SNX29: variants seen among roughly 807,000 people sequenced by gnomAD.
The protein encoded by SNX29 is sorting nexin-29.
SNX29 carries 78 observed loss-of-function variants against 102.1 expected under a neutral mutation model. The ratio of observed to expected loss-of-function variants is 0.76; its 90% CI spans 0.64 to 0.92. SNX29 has a LOEUF of 0.92. Ranked by LOEUF, SNX29 falls within the 40% of genes least tolerant of loss-of-function variation. The pLI is 0.00. For synonymous variants in SNX29, 580 were observed against 414.5 expected (o/e 1.40, Z -4.85); for missense variants, 1,280 against 1,061.7 (o/e 1.21, Z -2.86).
At chr16:12,078,752 G>A (rs748802174) in intron 10 of SNX29, 81 bp from the exon 11 acceptor site, 430 of 1,224,972 alleles carry the variant, frequency 3.5e-4, no homozygotes, top group Non-Finnish European at 4.8e-4. Context: ...GGAGTAAACC[G>A]ACCTCTGCTA....
At chr16:12,567,763 G>A (rs981483515) in intron 20 of SNX29, among the ~76,000 whole-genome samples, 2 of 152,138 alleles carry the variant, frequency 1.3e-5, no homozygotes, top group East Asian at 3.9e-4. Context: ...ACTGTCTCCA[G>A]AAAATACAAT....
intron 16 of SNX29, among the ~76,000 whole-genome samples, chr16:12,365,529 A>G (rs751258505): frequency 2.6e-5 from 4 of 151,302 alleles, no homozygotes; most frequent in Non-Finnish European, 4.4e-5. Context: ...ATCTCTACTC[A>G]AAATACAAAA....
Position 12,571,226 on chromosome 16 carries a change from C to T in SNX29, c.*2597C>T, listed in dbSNP as rs1418694477. On this transcript the variant is annotated 3_prime_UTR_variant, in exon 21 of 21. Transcript: ENST00000566228. Reference sequence around the variant, plus strand: ...AAACAACTGGCAGGGTTCCCAGTTCCTGGAGTTATGGAGCAGAAACACCCA... The same window carrying T: ...AAACAACTGGCAGGGTTCCCAGTTCTTGGAGTTATGGAGCAGAAACACCCA... The T allele has an allele frequency of 4.3e-6, 1 of 232,168 alleles. No individual in the cohort carries two copies. Among genetic ancestry groups the T allele is most frequent in the Non-Finnish European group, 8.5e-6 (1 of 117,444 alleles). 14.4% of individuals were successfully genotyped at this position (232,168 alleles called of 1,614,324 possible).
At chr16:12,300,086 C>T (rs895683397) in intron 15 of SNX29, among the ~76,000 whole-genome samples, 18 of 152,058 alleles carry the variant, frequency 1.2e-4, no homozygotes, top group Admixed American at 9.2e-4. Flanking sequence ...TGGCCAGGCT[C>T]GTCTTGAACT....
rs968358321 is a variant in SNX29 at position 12,279,694 on chromosome 16, T to C, written c.1782+1658T>C. Among the ~76,000 whole-genome samples the C allele has an allele frequency of 2.6e-5, 4 of 152,202 alleles. 1 individual carries two copies. The highest frequency in any genetic ancestry group is 2.0e-4 in the Admixed American group (3 of 15,286). ...AACCCCTGAAAGGTAGGACTGTGTC[T>C]TTGCCACCTCTGTACGTTCCACAGC... On this transcript the variant is annotated intron_variant, in intron 15 of 20. Coordinates refer to ENST00000566228, the MANE Select transcript of SNX29 (RefSeq NM_032167.5).
chr16:12,496,698 A>G (rs1291162391), intron 19 of SNX29, among the ~76,000 whole-genome samples: 2 of 151,814 alleles, frequency 1.3e-5, no homozygotes, highest in African/African-American at 4.8e-5. Flanking sequence ...TTTAGTAGAG[A>G]CAGGGTTTCA....
intron 14 of SNX29, among the ~76,000 whole-genome samples, chr16:12,265,153 C>T (rs1240157067): frequency 1.3e-5 from 2 of 152,182 alleles, no homozygotes; most frequent in Admixed American, 6.5e-5. Flanking sequence ...AGAGTTCTTT[C>T]GAGCAAATAC....
chr16:12,270,075 G>A lies in SNX29; in HGVS notation c.1679-7858G>A, dbSNP rs543007931. Among the ~76,000 whole-genome samples the A allele has an allele frequency of 3.9e-5, 6 of 152,152 alleles. No homozygotes were observed. The South Asian group carries it at 8.3e-4, about 21-fold the overall frequency. On this transcript the variant is annotated intron_variant, in intron 14 of 20. Transcript: ENST00000566228. ...GGGGTTTCACCATGTTGGCCAGGCTGGTCTCAAATTCCTGACCTCAAGTGA... is the reference window on the plus strand; with the variant it reads ...GGGGTTTCACCATGTTGGCCAGGCTAGTCTCAAATTCCTGACCTCAAGTGA...
intron 14 of SNX29, among the ~76,000 whole-genome samples, chr16:12,203,228 C>T (rs116240579): frequency 0.016 from 2,368 of 150,868 alleles, 31 homozygotes; most frequent in African/African-American, 0.039. Context: ...GCCCCACTCT[C>T]GGGTGGACTG....
At position 12,572,428 on chromosome 16, in the gene SNX29, G is replaced by C. The variant is rs1230321843; in HGVS notation, c.*3799G>C. 1.2e-5 allele frequency: 13 copies of C among 1,063,218 alleles called. No individual in the cohort carries two copies. The highest frequency in any genetic ancestry group is 1.5e-5 in the Non-Finnish European group (13 of 878,012). The allele number at this position is 1,063,218 out of a possible 1,614,324, so 65.9% of individuals were successfully genotyped here. ...GGGCTCTGTGGCCCAGGCCGGCAGTGGCTGCCTCTCTTGGTTCTGCATGGT... is the reference window on the plus strand; with the variant it reads ...GGGCTCTGTGGCCCAGGCCGGCAGTCGCTGCCTCTCTTGGTTCTGCATGGT... On this transcript the variant is annotated 3_prime_UTR_variant, in exon 21 of 21. Transcript: ENST00000566228.
At chr16:12,465,418 A>AT (rs2087005754) in intron 18 of SNX29, among the ~76,000 whole-genome samples, 1 of 152,156 alleles carries the variant, frequency 6.6e-6, no homozygotes, top group South Asian at 2.1e-4. Context: ...TAATTTCATT[A>AT]TTTTGAAGGT....
chr16:12,485,487 C>T (rs1476879755), intron 19 of SNX29, among the ~76,000 whole-genome samples: 2 of 152,192 alleles, frequency 1.3e-5, no homozygotes, highest in Non-Finnish European at 2.9e-5. Flanking sequence ...TTAAAATCCT[C>T]ATTAAAAACA....
At chr16:12,078,431 C>T (rs1479544645) in intron 10 of SNX29, among the ~76,000 whole-genome samples, 5 of 151,706 alleles carry the variant, frequency 3.3e-5, no homozygotes, top group South Asian at 2.1e-4. Flanking sequence ...GCCGAGATCA[C>T]GCAAAAGAAA....
At chr16:12,476,682 T>A (rs937010697) in intron 18 of SNX29, among the ~76,000 whole-genome samples, 2 of 151,720 alleles carry the variant, frequency 1.3e-5, no homozygotes, top group South Asian at 4.2e-4. Context: ...ATCGGAAACA[T>A]CTATCCATTC....
At chr16:12,236,068 G>T (rs989771173) in intron 14 of SNX29, among the ~76,000 whole-genome samples, 1 of 152,144 alleles carries the variant, frequency 6.6e-6, no homozygotes. Context: ...GCTGCTCCTG[G>T]TTGCATAGAT....
intron 15 of SNX29, among the ~76,000 whole-genome samples, chr16:12,353,256 A>T (rs370530475): frequency 6.6e-6 from 1 of 152,142 alleles, no homozygotes; most frequent in East Asian, 1.9e-4. Context: ...CAGCATTTCT[A>T]TCTCCTTGGT....
chr16:12,291,464 A>T (rs1440355945), intron 15 of SNX29, among the ~76,000 whole-genome samples: 3 of 152,146 alleles, frequency 2.0e-5, no homozygotes, highest in Admixed American at 2.0e-4. Context: ...CTCTCCCACG[A>T]CACGTGGGAA....
At chr16:12,561,341 A>G (rs1001543615) in intron 20 of SNX29, among the ~76,000 whole-genome samples, 2 of 152,136 alleles carry the variant, frequency 1.3e-5, no homozygotes, top group South Asian at 2.1e-4. Context: ...CAAAGTGGTG[A>G]GACTCACAGA....
intron 1 of SNX29, among the ~76,000 whole-genome samples, chr16:11,990,058 C>T (rs2055788505): frequency 1.3e-5 from 2 of 152,180 alleles, no homozygotes; most frequent in African/African-American, 4.8e-5. Flanking sequence ...TGATCAATGT[C>T]TCCAAGTCTC....
Sources: gnomAD v4.1 joint callset for allele counts (sites outside exome capture counted in the v4.1 genomes callset) on GRCh38, gnomAD v4.1.1 for gene constraint, MANE v1.5 for transcripts, NCBI Gene and HGNC (gene_info 2026-07-23, HGNC 2026-07-21) for gene names.